Variants in DSG2 observed in about 807,000 individuals in gnomAD.
DSG2 encodes desmoglein 2.
DSG2 carries 45 observed loss-of-function variants against 75.6 expected under a neutral mutation model. The ratio of observed to expected loss-of-function variants is 0.60; its 90% CI spans 0.47 to 0.76. The LOEUF is 0.76. DSG2 is among the 30% of genes least tolerant of loss of function. DSG2 has a pLI of 0.00. For missense variants in DSG2, 1,267 were observed against 1,357.4 expected (o/e 0.93, Z 1.05); for synonymous variants, 429 against 483.9 (o/e 0.89, Z 1.49).
Position 31,541,194 on chromosome 18 carries a change from G to C in DSG2, c.1881G>C (p.Leu627Phe). 6.2e-7 allele frequency: 1 copy of C among 1,614,132 alleles called. No homozygotes were observed. The highest frequency in any genetic ancestry group is 8.5e-7 in the Non-Finnish European group (1 of 1,179,988). The change falls in exon 13 of 15, where the codon TTG becomes TTC. Residue 627 changes from leucine (L) to phenylalanine (F), a missense_variant and splice_region_variant. Coordinates refer to ENST00000261590, the MANE Select transcript of DSG2 (RefSeq NM_001943.5). The part of the protein sequence containing the change: ...LMILAFLLLL[L>F]VPLLLLMCHC... ...GTGTTCAATTTTGTGTCTGTACAGT[G>C]GTACCACTTTTACTGCTGATGTGCC...
intron 1 of DSG2, among the ~76,000 whole-genome samples, 158 bp downstream of exon 1, chr18:31,498,454 C>A (rs867509151): frequency 3.1e-4 from 47 of 152,170 alleles, no homozygotes; most frequent in African/African-American, 1.1e-3. Flanking sequence ...GGGCAGGCTG[C>A]GGCGAGATCC....
chr18:31,532,351 T>A (rs761937436), intron 9 of DSG2, among the ~76,000 whole-genome samples: 1 of 152,120 alleles, frequency 6.6e-6, no homozygotes, highest in African/African-American at 2.4e-5. Context: ...GGTGCCCTCA[T>A]GACTTAATCA....
Position 31,519,940 on chromosome 18 carries a change from A to C in DSG2, c.216+3A>C, listed in dbSNP as rs774208829. On this transcript the variant is annotated splice_donor_region_variant and intron_variant, in intron 3 of 14. Coordinates refer to ENST00000261590, the MANE Select transcript of DSG2 (RefSeq NM_001943.5). The stretch of plus-strand genomic sequence containing the variant: ...CCAAGAAGAATCCAATTGCCAAGGT[A>C]CCTCCTAAAGAGGAACATGAAATAC... 2.2e-5 allele frequency: 35 copies of C among 1,614,030 alleles called. No individual in the cohort carries two copies. The highest frequency in any genetic ancestry group is 2.9e-5 in the Non-Finnish European group (34 of 1,180,032).
At position 31,547,292 on chromosome 18, in the gene DSG2, T is replaced by C. The variant is rs981649536; in HGVS notation, c.*549T>C. 4.8e-6 allele frequency: 1 copy of C among 207,356 alleles called. No individual in the cohort carries two copies. The highest frequency in any genetic ancestry group is 9.8e-6 in the Non-Finnish European group (1 of 102,172). 12.8% of individuals were successfully genotyped at this position (207,356 alleles called of 1,614,324 possible). ...CTTTCAATCTGTGTGATTCATTAAATTGGACCATTGATGATAAGAATACAC... is the reference window on the plus strand; with the variant it reads ...CTTTCAATCTGTGTGATTCATTAAACTGGACCATTGATGATAAGAATACAC... On this transcript the variant is annotated 3_prime_UTR_variant, in exon 15 of 15. Coordinates refer to ENST00000261590, the MANE Select transcript of DSG2 (RefSeq NM_001943.5).
At chr18:31,506,893 G>T (rs9304099) in intron 1 of DSG2, among the ~76,000 whole-genome samples, 86,006 of 151,974 alleles carry the variant, frequency 0.57, 27,032 homozygotes, top group African/African-American at 0.87. Context: ...ACGACTTCAA[G>T]GAAAAGAAAA....
chr18:31,527,899 A>G (rs2073172251), intron 8 of DSG2, among the ~76,000 whole-genome samples: 1 of 152,230 alleles, frequency 6.6e-6, no homozygotes, highest in African/African-American at 2.4e-5. Flanking sequence ...ATCATCACAT[A>G]GTGGAACATC....
intron 1 of DSG2, among the ~76,000 whole-genome samples, chr18:31,505,849 AC>A (rs1198542830): frequency 1.3e-5 from 2 of 151,940 alleles, no homozygotes; most frequent in African/African-American, 4.8e-5. Context: ...TTTAGTAGAG[AC>A]AGAGTTTCAC....
intron 8 of DSG2, among the ~76,000 whole-genome samples, chr18:31,525,740 A>G (rs1198916349): frequency 6.6e-6 from 1 of 152,170 alleles, no homozygotes; most frequent in Non-Finnish European, 1.5e-5. Flanking sequence ...TTCTAATATT[A>G]GTATGAGGCT....
At chr18:31,512,287 A>G (rs755073967) in intron 1 of DSG2, among the ~76,000 whole-genome samples, 2 of 152,154 alleles carry the variant, frequency 1.3e-5, no homozygotes, top group Non-Finnish European at 1.5e-5. Context: ...TTCCGGGTCA[A>G]AATTCTAAGG....
rs2144346819 is a variant in DSG2, at chr18:31,538,899, G to A, written c.1800G>A (p.Arg600=). ...AGTGTCTGCATGGCAGCGGCTGCAG[G>A]GAAGCACAGCATGACTCCTATGTGG... ...VCECLHGSGC[R]EAQHDSYVGL... The change falls in exon 12 of 15, where the codon AGG becomes AGA. Residue 600 remains arginine, a synonymous_variant. Transcript: ENST00000261590. 1 of 1,614,136 alleles carries A rather than the reference G, an allele frequency of 6.2e-7. No individual in the cohort carries two copies. The highest frequency in any genetic ancestry group is 8.5e-7 in the Non-Finnish European group (1 of 1,180,030).
intron 1 of DSG2, among the ~76,000 whole-genome samples, chr18:31,505,282 A>G (rs2073033186): frequency 6.6e-6 from 1 of 152,210 alleles, no homozygotes; most frequent in Admixed American, 6.5e-5. Flanking sequence ...GTATGCACAG[A>G]AACAGATTAT....
chr18:31,545,688 T>C lies in DSG2; in HGVS notation c.2335-33T>C, dbSNP rs747269014. On this transcript the variant is annotated intron_variant, in intron 14 of 14. Transcript: ENST00000261590. Reference sequence around the variant, plus strand: ...ATTTATATTGCTAATTATTTGTCTGTTTTGTGTTTGTTTTGTTTTGTTTTC... The same window carrying C: ...ATTTATATTGCTAATTATTTGTCTGCTTTGTGTTTGTTTTGTTTTGTTTTC... The C allele has an allele frequency of 3.8e-6, 6 of 1,598,860 alleles. No individual in the cohort carries two copies. The African/African-American group carries it at 8.9e-5, about 24-fold the overall frequency.
chr18:31,513,742 G>A (rs935781096), intron 1 of DSG2, among the ~76,000 whole-genome samples: 2 of 152,174 alleles, frequency 1.3e-5, no homozygotes, highest in Non-Finnish European at 2.9e-5. Context: ...CACTCCCAAA[G>A]AATGGAATAG....
intron 1 of DSG2, among the ~76,000 whole-genome samples, chr18:31,499,386 G>GTGTC: frequency 6.8e-6 from 1 of 147,706 alleles, no homozygotes; most frequent in South Asian, 2.2e-4. Context: ...GTGTGTGTGT[G>GTGTC]TCTCAAAACG....
Position 31,519,956 on chromosome 18 carries a change from C to A in DSG2, c.216+19C>A. On this transcript the variant is annotated intron_variant, in intron 3 of 14. Transcript: ENST00000261590. ...TGCCAAGGTACCTCCTAAAGAGGAA[C>A]ATGAAATACATGCATATGACTAAAA... 5.0e-6 allele frequency: 8 copies of A among 1,614,052 alleles called. No individual in the cohort carries two copies. The highest frequency in any genetic ancestry group is 5.1e-6 in the Non-Finnish European group (6 of 1,179,966).
Position 31,498,231 on chromosome 18 carries a change from G to A in DSG2, c.-21G>A. 8.0e-7 allele frequency: 1 copy of A among 1,252,028 alleles called. No homozygotes were observed. The highest frequency in any genetic ancestry group is 1.0e-6 in the Non-Finnish European group (1 of 995,390). 77.6% of individuals were successfully genotyped at this position (1,252,028 alleles called of 1,614,324 possible). ...GGCGGCGCGGAGCGGTGCGGCGGCG[G>A]GAGGCGGAGGCGAGGGTGCGATGGC... On this transcript the variant is annotated 5_prime_UTR_variant, in exon 1 of 15. Coordinates refer to ENST00000261590, the MANE Select transcript of DSG2 (RefSeq NM_001943.5).
chr18:31,499,357 C>CGTTT (rs2073002036), intron 1 of DSG2, among the ~76,000 whole-genome samples: 1 of 149,636 alleles, frequency 6.7e-6, no homozygotes, highest in Non-Finnish European at 1.5e-5. Context: ...GGAAGAAAAT[C>CGTTT]GTGTGTGTGT....
intron 6 of DSG2, among the ~76,000 whole-genome samples, chr18:31,523,251 A>G (rs2073140132): frequency 6.6e-6 from 1 of 152,126 alleles, no homozygotes; most frequent in South Asian, 2.1e-4. Context: ...TATACAAAAA[A>G]TTAGCTGGGT....
chr18:31,520,980 T>G lies in DSG2; in HGVS notation c.378+16T>G. 6.2e-7 allele frequency: 1 copy of G among 1,611,998 alleles called. No individual in the cohort carries two copies. Among genetic ancestry groups the G allele is most frequent in the South Asian group, 1.1e-5 (1 of 90,852 alleles). Reference sequence around the variant, plus strand: ...ATTTTTTCTGGTAAGAAGAATAATTTTAGATTTATTAGTTTGTAGTTTTTC... The same window carrying G: ...ATTTTTTCTGGTAAGAAGAATAATTGTAGATTTATTAGTTTGTAGTTTTTC... On this transcript the variant is annotated intron_variant, in intron 4 of 14. Coordinates refer to ENST00000261590, the MANE Select transcript of DSG2 (RefSeq NM_001943.5).
Sources: gnomAD v4.1 joint callset for allele counts (sites outside exome capture counted in the v4.1 genomes callset) on GRCh38, gnomAD v4.1.1 for gene constraint, MANE v1.5 for transcripts, NCBI Gene and HGNC (gene_info 2026-07-23, HGNC 2026-07-21) for gene names.